Variants in GLI3 observed in about 807,000 individuals in gnomAD.
GLI3 encodes the protein GLI family zinc finger 3, also known as transcription activator GLI3.
In GLI3, 20 loss-of-function variants were observed where a neutral mutation model predicts 100.8. That is an observed-to-expected ratio of 0.20 (90% CI 0.14 to 0.29). The LOEUF is 0.29. GLI3 is among the 10% of genes least tolerant of loss of function. The pLI is 1.00. For synonymous variants in GLI3, 938 were observed against 860.5 expected (o/e 1.09, Z -1.58); for missense variants, 2,040 against 2,128.5 (o/e 0.96, Z 0.82).
intron 2 of GLI3, among the ~76,000 whole-genome samples, chr7:42,198,842 G>A (rs1787981699): frequency 6.6e-6 from 1 of 151,832 alleles, no homozygotes; most frequent in African/African-American, 2.4e-5. Context: ...ATGTTAGATG[G>A]TGGCACTTTA....
chr7:42,161,415 C>T (rs1449316150), intron 2 of GLI3, among the ~76,000 whole-genome samples: 3 of 152,168 alleles, frequency 2.0e-5, no homozygotes, highest in African/African-American at 7.2e-5. Context: ...AAAACATTTA[C>T]TAGCTGGTCT....
At chr7:42,190,947 T>C (rs1787815047) in intron 2 of GLI3, among the ~76,000 whole-genome samples, 1 of 151,968 alleles carries the variant, frequency 6.6e-6, no homozygotes, top group Admixed American at 6.6e-5. Context: ...TAAAAAGTAA[T>C]TGATAAAATT....
chr7:42,171,804 G>A (rs927265499), intron 2 of GLI3, among the ~76,000 whole-genome samples: 1 of 152,186 alleles, frequency 6.6e-6, no homozygotes, highest in Non-Finnish European at 1.5e-5. Flanking sequence ...CATAGTGGAG[G>A]TTGAAAATAC....
intron 3 of GLI3, among the ~76,000 whole-genome samples, chr7:42,108,836 C>G (rs1006427209): frequency 6.6e-6 from 1 of 152,062 alleles, no homozygotes; most frequent in Middle Eastern, 3.2e-3. Flanking sequence ...TTTAAATTAT[C>G]TATTTATCTA....
intron 2 of GLI3, among the ~76,000 whole-genome samples, chr7:42,196,900 C>T (rs1278753705): frequency 6.6e-6 from 1 of 152,208 alleles, no homozygotes; most frequent in Non-Finnish European, 1.5e-5. Flanking sequence ...AAGAAGCCAT[C>T]AAGTAGTATT....
Position 42,221,631 on chromosome 7 carries a change from A to G in GLI3, c.124+1499T>C, listed in dbSNP as rs532724543. Among the ~76,000 whole-genome samples, 11 of 152,350 alleles carry G rather than the reference A, an allele frequency of 7.2e-5. No homozygotes were observed. The South Asian group carries it at 2.3e-3, about 32-fold the overall frequency. Reference sequence around the variant, plus strand: ...AAAGCTGATGTTCCTGAAGCCAAGTACATAGGAAGCATTTATTCCGACAGA... The same window carrying G: ...AAAGCTGATGTTCCTGAAGCCAAGTGCATAGGAAGCATTTATTCCGACAGA... On this transcript the variant is annotated intron_variant, in intron 2 of 14. Coordinates refer to ENST00000395925, the MANE Select transcript of GLI3 (RefSeq NM_000168.6).
At chr7:42,097,373 A>G (rs373385584) in intron 3 of GLI3, among the ~76,000 whole-genome samples, 2 of 152,152 alleles carry the variant, frequency 1.3e-5, no homozygotes, top group South Asian at 2.1e-4. Context: ...GGGGCGGGAG[A>G]TGTGAGACAG....
chr7:42,026,748 T>G (rs1789127526), intron 7 of GLI3, among the ~76,000 whole-genome samples: 1 of 152,254 alleles, frequency 6.6e-6, no homozygotes, highest in South Asian at 2.1e-4. Flanking sequence ...GGACTTTTAT[T>G]GGCTCTTAGT....
chr7:42,244,703 A>T (rs567332095), intron 1 of GLI3, among the ~76,000 whole-genome samples: 6 of 141,982 alleles, frequency 4.2e-5, no homozygotes, highest in Middle Eastern at 3.6e-3. Flanking sequence ...AAACACCTTT[A>T]AAAAAAAAAA....
In GLI3 at chr7:41,965,607, T is replaced by C; in HGVS notation, c.3466A>G (p.Thr1156Ala). Reference protein sequence around the residue: ...LEQPCPEGSKTDLPIQWNEVS... With the variant: ...LEQPCPEGSKADLPIQWNEVS... The stretch of plus-strand genomic sequence containing the variant: ...TCGTTCCACTGAATGGGCAGGTCGG[T>C]TTTGCTGCCCTCGGGGCAGGGCTGC... The change falls in exon 15 of 15, where the codon ACC (threonine) becomes GCC (alanine). Residue 1156 changes from threonine (T) to alanine (A), a missense_variant. Physicochemically the swap from Thr to Ala is moderately conservative, Grantham distance 58. Transcript: ENST00000395925. 3.1e-6 allele frequency: 5 copies of C among 1,607,034 alleles called. No homozygotes were observed. Among genetic ancestry groups the C allele is most frequent in the Non-Finnish European group, 4.3e-6 (5 of 1,174,574 alleles).
chr7:42,189,126 T>C (rs566305684), intron 2 of GLI3, among the ~76,000 whole-genome samples: 1 of 152,278 alleles, frequency 6.6e-6, no homozygotes, highest in Admixed American at 6.5e-5. Context: ...GTCTGTATCT[T>C]CCACACAATT....
chr7:42,208,291 C>T (rs894136778), intron 2 of GLI3, among the ~76,000 whole-genome samples: 5 of 152,140 alleles, frequency 3.3e-5, no homozygotes, highest in Admixed American at 6.5e-5. Context: ...AAGTCAGAGG[C>T]GTCCTGCATT....
intron 1 of GLI3, among the ~76,000 whole-genome samples, chr7:42,243,139 G>A (rs972413839): frequency 6.6e-6 from 1 of 152,228 alleles, no homozygotes; most frequent in Middle Eastern, 3.4e-3. Context: ...AGAGCTTACA[G>A]TGTCCATGCG....
intron 4 of GLI3, among the ~76,000 whole-genome samples, chr7:42,056,982 CAAAA>C (rs11322222): frequency 3.9e-5 from 4 of 102,744 alleles, no homozygotes; most frequent in Admixed American, 1.1e-4. Flanking sequence ...AACTCCGTCT[CAAAA>C]AAAAAAAAAA....
intron 1 of GLI3, among the ~76,000 whole-genome samples, chr7:42,249,289 G>A (rs1789007199): frequency 6.6e-6 from 1 of 152,136 alleles, no homozygotes; most frequent in Non-Finnish European, 1.5e-5. Context: ...GAGGGGCTGT[G>A]TTCCTGTAAT....
intron 10 of GLI3, among the ~76,000 whole-genome samples, chr7:41,991,896 G>A (rs915134182): frequency 6.6e-6 from 1 of 152,128 alleles, no homozygotes; most frequent in African/African-American, 2.4e-5. Flanking sequence ...ATAGGATTGG[G>A]GAATGTGTGT....
chr7:42,080,617 C>T (rs1784977579), intron 3 of GLI3, among the ~76,000 whole-genome samples: 1 of 152,192 alleles, frequency 6.6e-6, no homozygotes, highest in Non-Finnish European at 1.5e-5. Flanking sequence ...CTCCCCTCTT[C>T]CAATTCAAGA....
At chr7:42,139,892 A>C (rs766964241) in intron 3 of GLI3, among the ~76,000 whole-genome samples, 13 of 152,172 alleles carry the variant, frequency 8.5e-5, no homozygotes, top group Non-Finnish European at 1.3e-4. Flanking sequence ...CTGTTTAAAT[A>C]TACAAAGGGC....
chr7:42,060,827 A>G (rs535851119), intron 4 of GLI3, among the ~76,000 whole-genome samples: 3 of 152,290 alleles, frequency 2.0e-5, no homozygotes, highest in East Asian at 1.9e-4. Flanking sequence ...ATTTGTTTGT[A>G]TAGGTGTTAC....
Sources: allele counts gnomAD v4.1 joint callset (sites outside exome capture counted in the v4.1 genomes callset), GRCh38; gene constraint gnomAD v4.1.1; transcripts MANE v1.5; gene names NCBI Gene and HGNC (gene_info 2026-07-23, HGNC 2026-07-21).